The following ANGPTL6 variants were observed in gnomAD, a reference collection of about 807,000 sequenced individuals.
ANGPTL6 encodes the protein angiopoietin like 6, also known as angiopoietin-related protein 6.
Under a neutral mutation model 47.4 loss-of-function variants are expected in ANGPTL6, and 45 were observed. The observed-to-expected ratio is 0.95, with a 90% CI of 0.75 to 1.22. The LOEUF is 1.22. Ranked by LOEUF, ANGPTL6 falls within the 50% of genes most tolerant of loss-of-function variation. ANGPTL6 has a pLI of 0.00. For missense variants in ANGPTL6, 698 were observed against 669.4 expected, an observed-to-expected ratio of 1.04 and a Z score of -0.47; for synonymous variants, 290 against 295.9, an observed-to-expected ratio of 0.98 and a Z score of 0.20.
intron 2 of ANGPTL6, 132 bp downstream of exon 2, chr19:10,095,850 T>C (rs2088514996): frequency 1.9e-6 from 1 of 512,912 alleles, no homozygotes; most frequent in Non-Finnish European, 3.0e-6. Context: ...CCCAAATAAG[T>C]TACCAGAAGG....
chr19:10,102,761 G>A (rs917808218), upstream of ANGPTL6: 22 of 984,450 alleles, frequency 2.2e-5, no homozygotes, highest in Non-Finnish European at 2.5e-5. Context: ...GGGCCCAGGA[G>A]CCCAAACTAT....
intron 1 of ANGPTL6, among the ~76,000 whole-genome samples, chr19:10,101,371 C>A (rs866769306): frequency 6.6e-6 from 1 of 151,804 alleles, no homozygotes; most frequent in Non-Finnish European, 1.5e-5. Context: ...TGGTGAAAGT[C>A]CATTTCTACT....
chr19:10,094,810 G>GGGCTCCCAT lies in ANGPTL6; in HGVS notation c.710_711insATGGGAGCC (p.Pro237_Met238insTrpGluPro), dbSNP rs747182339. On this transcript the variant is annotated inframe_insertion, in exon 3 of 6. Transcript: ENST00000253109. ...GACCTGCAGGCATGGGAGAAGCCAT[G>GGGCTCCCAT]GGCTCCTGCTGTCTCTGGGTCTGGT... The GGGCTCCCAT allele has an allele frequency of 2.5e-6, 4 of 1,614,230 alleles. No homozygotes were observed. In the African/African-American group the frequency reaches 4.0e-5, roughly 16 times the overall value.
At position 10,092,687 on chromosome 19, in the gene ANGPTL6, G is replaced by C. The variant is rs201518909; in HGVS notation, c.1315C>G (p.Arg439Gly). ...NGVWHHGGHY[R>G]SRYQDGVYWA... ...TAGACACCATCCTGGTAGCGGCTTCGGTAGTGGCCGCCGTGGTGCCACACA... is the reference window on the plus strand; with the variant it reads ...TAGACACCATCCTGGTAGCGGCTTCCGTAGTGGCCGCCGTGGTGCCACACA... Residue 439 changes from arginine (R) to glycine (G), a missense_variant, in exon 6 of 6, where the codon CGA becomes GGA. Transcript: ENST00000253109. 7 of 1,614,022 alleles carry C rather than the reference G, an allele frequency of 4.3e-6. No homozygotes were observed. Among genetic ancestry groups the C allele is most frequent in the Non-Finnish European group, 5.9e-6 (7 of 1,179,920 alleles).
chr19:10,094,303 C>A lies in ANGPTL6; in HGVS notation c.764-423G>T, dbSNP rs112364912. ...CTGGGACTACAGGCGCCCGCCACCA[C>A]GCCCAGCTAATTTTTTGTATTTTTA... On this transcript the variant is annotated intron_variant, in intron 3 of 5. Transcript: ENST00000253109. Among the ~76,000 whole-genome samples the A allele has an allele frequency of 6.3e-3, 962 of 152,206 alleles. 9 individuals carry two copies. Among genetic ancestry groups the A allele is most frequent in the Non-Finnish European group, 0.01 (684 of 68,006 alleles).
In ANGPTL6 at chr19:10,092,382, T is replaced by C. The variant is rs1599279165; in HGVS notation, c.*207A>G. ...TATAAGATATGAGCTCAAACCGAGA[T>C]ATGAATGACCTTGGGGAGCCATCTG... On this transcript the variant is annotated 3_prime_UTR_variant, in exon 6 of 6. Transcript: ENST00000253109. The C allele has an allele frequency of 6.5e-7, 1 of 1,530,020 alleles. No individual in the cohort carries two copies. Among genetic ancestry groups the C allele is most frequent in the Non-Finnish European group, 8.8e-7 (1 of 1,142,548 alleles). 94.8% of individuals were successfully genotyped at this position (1,530,020 alleles called of 1,614,324 possible).
chr19:10,104,307 TTGTGTGTGTGGTGTGTGTGTG>T (rs1243621273), upstream of ANGPTL6, among the ~76,000 whole-genome samples: 2 of 85,262 alleles, frequency 2.3e-5, no homozygotes, highest in Non-Finnish European at 4.6e-5. Flanking sequence ...TTTGTTTTGT[TTGTGTGTGTGGTGTGTGTGTG>T]TGTGTGTGTG....
intron 1 of ANGPTL6, 30 bp from the exon 2 acceptor site, chr19:10,096,603 C>T (rs1194875396): frequency 2.1e-6 from 3 of 1,453,350 alleles, no homozygotes; most frequent in African/African-American, 1.5e-5. Context: ...GGAAGGAAGA[C>T]GGGGTGCTGG....
chr19:10,105,691 G>T (rs776566836), upstream of ANGPTL6, among the ~76,000 whole-genome samples: 1 of 151,788 alleles, frequency 6.6e-6, no homozygotes, highest in East Asian at 1.9e-4. Context: ...AGAGGAGGCC[G>T]ATGGGGGAGG....
chr19:10,092,921 A>C, intron 5 of ANGPTL6, 142 bp from the exon 6 acceptor site: 1 of 665,088 alleles, frequency 1.5e-6, no homozygotes, highest in Admixed American at 3.6e-5. Context: ...TCTCCTCAGC[A>C]AAAAAATAGG....
At chr19:10,094,421 C>G in intron 3 of ANGPTL6, 1 of 320,078 alleles carries the variant, frequency 3.1e-6, no homozygotes, top group Non-Finnish European at 5.8e-6. Flanking sequence ...GCTGGGATTA[C>G]AGGCATGAGC....
At chr19:10,105,398 C>T (rs908538530), upstream of ANGPTL6, among the ~76,000 whole-genome samples, 2 of 151,418 alleles carry the variant, frequency 1.3e-5, no homozygotes, top group Non-Finnish European at 2.9e-5. Flanking sequence ...AGGGAGATGG[C>T]AGAGAAAGGG....
At chr19:10,093,246 C>T in intron 5 of ANGPTL6, 103 bp downstream of exon 5, 1 of 1,430,450 alleles carries the variant, frequency 7.0e-7, no homozygotes, top group East Asian at 2.3e-5. Context: ...TATCCTTATA[C>T]TTACCAGAGG....
At position 10,096,062 on chromosome 19, in the gene ANGPTL6, C is replaced by G. The variant is rs2145172249; in HGVS notation, c.502G>C (p.Ala168Pro). 2 of 1,477,814 alleles carry G rather than the reference C, an allele frequency of 1.4e-6. No homozygotes were observed. Among genetic ancestry groups the G allele is most frequent in the South Asian group, 2.6e-5 (2 of 77,764 alleles). The allele number at this position is 1,477,814 out of a possible 1,614,324, so 91.5% of individuals were successfully genotyped here. Residue 168 changes from alanine (A) to proline (P), a missense_variant, in exon 2 of 6, where the codon GCG becomes CCG. Transcript: ENST00000253109. ...CTGCTCTGCTGGGTGACGAGCTGCG[C>G]CAGCTCGCGGAACTTGACGTCCAGC... ...HQLDVKFREL[A>P]QLVTQQSSLI... is the part of the protein sequence containing the mutation.
chr19:10,106,048 G>T (rs577873161), upstream of ANGPTL6, among the ~76,000 whole-genome samples: 1 of 152,350 alleles, frequency 6.6e-6, no homozygotes, highest in South Asian at 2.1e-4. Flanking sequence ...TAATTCGTGG[G>T]CCCGGGGGAC....
chr19:10,101,932 C>T (rs1488941881), intron 1 of ANGPTL6, among the ~76,000 whole-genome samples: 13 of 146,278 alleles, frequency 8.9e-5, no homozygotes, highest in Non-Finnish European at 1.7e-4. Flanking sequence ...AGTGAAATTC[C>T]GTCTCTACTA....
At chr19:10,098,005 C>G (rs1406431987) in intron 1 of ANGPTL6, among the ~76,000 whole-genome samples, 1 of 130,906 alleles carries the variant, frequency 7.6e-6, no homozygotes, top group African/African-American at 2.9e-5. Flanking sequence ...CTGTCTCTAC[C>G]AAAAAAAAAA....
chr19:10,093,169 G>C (rs1599281125), intron 5 of ANGPTL6, 180 bp downstream of exon 5: 1 of 813,564 alleles, frequency 1.2e-6, no homozygotes, highest in East Asian at 2.5e-5. Context: ...AAGGAATCTG[G>C]ACTCCCCATC....
At chr19:10,100,488 G>T (rs1351281038) in intron 1 of ANGPTL6, among the ~76,000 whole-genome samples, 2 of 152,094 alleles carry the variant, frequency 1.3e-5, no homozygotes, top group Non-Finnish European at 2.9e-5. Context: ...CTCCCACCTT[G>T]GACTCCCAAA....
Sources: gnomAD v4.1 joint callset for allele counts (sites outside exome capture counted in the v4.1 genomes callset) on GRCh38, gnomAD v4.1.1 for gene constraint, MANE v1.5 for transcripts, NCBI Gene and HGNC (gene_info 2026-07-23, HGNC 2026-07-21) for gene names.